The following MGAT4C variants were observed in gnomAD, a reference collection of about 807,000 sequenced individuals.
The protein encoded by MGAT4C is MGAT4 family member C.
A neutral mutation model predicts 40.1 loss-of-function variants in MGAT4C; 19 were observed. That is an observed-to-expected ratio of 0.47 (90% CI 0.33 to 0.70). MGAT4C has a LOEUF of 0.70. Ranked by LOEUF, MGAT4C falls within the 30% of genes least tolerant of loss-of-function variation. MGAT4C has a pLI of 0.02. For missense variants in MGAT4C, 491 were observed against 563.2 expected (o/e 0.87, Z 1.30); for synonymous variants, 181 against 187.1 (o/e 0.97, Z 0.27).
At chr12:86,044,453 C>A (rs1892192234) in intron 2 of MGAT4C, among the ~76,000 whole-genome samples, 1 of 152,102 alleles carries the variant, frequency 6.6e-6, no homozygotes, top group South Asian at 2.1e-4. Context: ...CATGTTTGCT[C>A]TGTGGGCAGT....
At chr12:86,782,997 AG>A (rs1252798189) in intron 1 of MGAT4C, among the ~76,000 whole-genome samples, 1 of 152,204 alleles carries the variant, frequency 6.6e-6, no homozygotes, top group Admixed American at 6.5e-5. Context: ...TAACAGACCT[AG>A]TAAGGACTGT....
chr12:86,610,767 G>T (rs1443209613), intron 2 of MGAT4C, among the ~76,000 whole-genome samples: 3 of 91,732 alleles, frequency 3.3e-5, no homozygotes, highest in Admixed American at 3.3e-4. Context: ...AGCAGTCCCC[G>T]GTGTGTGATG....
chr12:86,237,862 A>G (rs765793046), intron 1 of MGAT4C, among the ~76,000 whole-genome samples: 3 of 151,976 alleles, frequency 2.0e-5, no homozygotes, highest in Non-Finnish European at 2.9e-5. Flanking sequence ...AAGGAAAATA[A>G]TAACTAAAGT....
intron 3 of MGAT4C, among the ~76,000 whole-genome samples, chr12:86,413,442 C>A (rs1236542015): frequency 6.6e-6 from 1 of 152,122 alleles, no homozygotes; most frequent in African/African-American, 2.4e-5. Flanking sequence ...GAGCTAGAAT[C>A]ATAAGTTTGC....
At chr12:86,159,522 G>A (rs536001030) in intron 1 of MGAT4C, among the ~76,000 whole-genome samples, 2 of 151,930 alleles carry the variant, frequency 1.3e-5, no homozygotes, top group African/African-American at 4.8e-5. Flanking sequence ...TTAGTATCAG[G>A]CTGATGCTGC....
At chr12:86,641,708 T>C (rs1183513556) in intron 2 of MGAT4C, among the ~76,000 whole-genome samples, 2 of 151,558 alleles carry the variant, frequency 1.3e-5, no homozygotes, top group Non-Finnish European at 3.0e-5. Context: ...TGAAATAGGA[T>C]TGTGTGATAA....
chr12:86,751,245 CA>C (rs1292932624), intron 1 of MGAT4C, among the ~76,000 whole-genome samples: 2 of 151,944 alleles, frequency 1.3e-5, no homozygotes, highest in Non-Finnish European at 2.9e-5. Flanking sequence ...TGCAGTGTTT[CA>C]GTTATAACAC....
intron 1 of MGAT4C, among the ~76,000 whole-genome samples, chr12:86,806,939 G>A (rs1294164276): frequency 6.6e-6 from 1 of 151,582 alleles, no homozygotes; most frequent in East Asian, 1.9e-4. Context: ...ATACCAACAT[G>A]GCACACGTAT....
chr12:86,796,759 T>C (rs984399118), intron 1 of MGAT4C, among the ~76,000 whole-genome samples: 53 of 151,996 alleles, frequency 3.5e-4, no homozygotes, highest in African/African-American at 1.3e-3. Flanking sequence ...ACAATATATA[T>C]ATACTTCAAA....
At chr12:86,223,891 A>G (rs1384027887) in intron 1 of MGAT4C, among the ~76,000 whole-genome samples, 1 of 152,120 alleles carries the variant, frequency 6.6e-6, no homozygotes, top group African/African-American at 2.4e-5. Flanking sequence ...AGTCACTACT[A>G]TCACTAGCAC....
chr12:86,264,724 G>T (rs948121604), intron 4 of MGAT4C, among the ~76,000 whole-genome samples: 3 of 151,234 alleles, frequency 2.0e-5, no homozygotes, highest in African/African-American at 7.4e-5. Flanking sequence ...TGCACTCTCC[G>T]GGCCCGGGAA....
rs1030627552 is a variant in MGAT4C at position 85,958,900 on chromosome 12, A to G, written c.*20389T>C. ...TAGATTAAGTTGTATAAAATTTTACAAACTTTATATTTTTGCATACACTTA... is the reference window on the plus strand; with the variant it reads ...TAGATTAAGTTGTATAAAATTTTACGAACTTTATATTTTTGCATACACTTA... On this transcript the variant is annotated 3_prime_UTR_variant, in exon 5 of 5. Transcript: ENST00000611864. 2 of 152,074 alleles carry G rather than the reference A, an allele frequency of 1.3e-5. No homozygotes were observed. Among genetic ancestry groups the G allele is most frequent in the African/African-American group, 2.4e-5 (1 of 41,438 alleles). The allele number at this position is 152,074 out of a possible 1,614,324, so 9.4% of individuals were successfully genotyped here.
chr12:86,821,923 T>C (rs1952713075), intron 1 of MGAT4C, among the ~76,000 whole-genome samples: 1 of 150,996 alleles, frequency 6.6e-6, no homozygotes, highest in East Asian at 1.9e-4. Context: ...TATATTATTA[T>C]AACGGTGGTA....
At chr12:86,149,173 T>C (rs1483804248) in intron 1 of MGAT4C, among the ~76,000 whole-genome samples, 1 of 152,164 alleles carries the variant, frequency 6.6e-6, no homozygotes, top group Non-Finnish European at 1.5e-5. Context: ...TTTTAAATTT[T>C]TTCATAAAAA....
intron 1 of MGAT4C, among the ~76,000 whole-genome samples, chr12:86,773,944 T>G (rs1463955597): frequency 7.7e-5 from 4 of 52,258 alleles, no homozygotes; most frequent in Non-Finnish European, 1.9e-4. Flanking sequence ...TAAAGTAACT[T>G]CTTTTTTTTT....
chr12:86,725,626 AATTT>A (rs1275635451), intron 2 of MGAT4C, among the ~76,000 whole-genome samples: 1 of 151,838 alleles, frequency 6.6e-6, no homozygotes, highest in African/African-American at 2.4e-5. Flanking sequence ...TCGCCCGGCT[AATTT>A]CTTTTGTATT....
chr12:86,465,368 T>C (rs1435043243), intron 2 of MGAT4C, among the ~76,000 whole-genome samples: 2 of 152,060 alleles, frequency 1.3e-5, no homozygotes, highest in South Asian at 2.1e-4. Flanking sequence ...AAAGAAAGAA[T>C]AGAGATGTTG....
chr12:86,492,249 C>T (rs1958152043), intron 2 of MGAT4C, among the ~76,000 whole-genome samples: 1 of 152,142 alleles, frequency 6.6e-6, no homozygotes, highest in Admixed American at 6.5e-5. Context: ...TCAATGTCAT[C>T]CCCATCAAGC....
At chr12:86,744,823 A>C (rs1951127904) in intron 1 of MGAT4C, among the ~76,000 whole-genome samples, 1 of 151,514 alleles carries the variant, frequency 6.6e-6, no homozygotes, top group Non-Finnish European at 1.5e-5. Context: ...GCTGCACCAC[A>C]TCTGAGGGCC....
Sources: allele counts gnomAD v4.1 joint callset (sites outside exome capture counted in the v4.1 genomes callset), GRCh38; gene constraint gnomAD v4.1.1; transcripts MANE v1.5; gene names NCBI Gene and HGNC (gene_info 2026-07-23, HGNC 2026-07-21).